Variants in KCNIP1 observed in about 807,000 individuals in gnomAD.
KCNIP1 encodes potassium voltage-gated channel interacting protein 1.
In KCNIP1, 18 loss-of-function variants were observed where a neutral mutation model predicts 33.0. That is an observed-to-expected ratio of 0.55 (90% confidence interval 0.38 to 0.81). The LOEUF (loss-of-function observed/expected upper bound fraction) is 0.81. Among genes scored for constraint, KCNIP1 ranks in the 30% least tolerant of loss-of-function variants. KCNIP1 has a pLI of 0.00. For synonymous variants in KCNIP1, 93 were observed against 98.3 expected, an observed-to-expected ratio of 0.95 and a Z score of 0.32; for missense variants, 238 against 271.6, an observed-to-expected ratio of 0.88 and a Z score of 0.87.
intron 1 of KCNIP1, among the ~76,000 whole-genome samples, chr5:170,597,807 AT>A (rs1561708698): frequency 1.5e-4 from 1 of 6,506 alleles, no homozygotes; most frequent in African/African-American, 4.3e-4. Context: ...ATATATATAT[AT>A]ATATATATAT....
chr5:170,427,972 C>G (rs1755649669), intron 1 of KCNIP1, among the ~76,000 whole-genome samples: 1 of 152,176 alleles, frequency 6.6e-6, no homozygotes, highest in Non-Finnish European at 1.5e-5. Flanking sequence ...GTTAGATGTA[C>G]AAGTGTGATT....
chr5:170,719,804 C>T (rs1359235698), intron 2 of KCNIP1, among the ~76,000 whole-genome samples: 1 of 152,150 alleles, frequency 6.6e-6, no homozygotes, highest in Non-Finnish European at 1.5e-5. Flanking sequence ...TTCTTTCCTT[C>T]GATGGCAGCA....
chr5:170,654,224 G>A (rs1299553511), intron 1 of KCNIP1, among the ~76,000 whole-genome samples: 1 of 152,146 alleles, frequency 6.6e-6, no homozygotes, highest in East Asian at 1.9e-4. Context: ...CTGCTGTGGA[G>A]GATCCATGCC....
At chr5:170,654,805 GTT>G (rs1470872558) in intron 1 of KCNIP1, among the ~76,000 whole-genome samples, 1 of 152,190 alleles carries the variant, frequency 6.6e-6, no homozygotes, top group Non-Finnish European at 1.5e-5. Context: ...ACATCATCTG[GTT>G]AATGGTGTGA....
rs1038517644 is a variant in KCNIP1 at position 170,732,654 on chromosome 5, T to G, written c.436-146T>G. On this transcript the variant is annotated intron_variant, in intron 5 of 7. Coordinates refer to ENST00000328939, the MANE Select transcript of KCNIP1 (RefSeq NM_014592.4). Reference sequence around the variant, plus strand: ...CACAATATATCCCCTTCTGCTTGCTTCTAACTCCCTATCACCTGCTAAAGA... The same window carrying G: ...CACAATATATCCCCTTCTGCTTGCTGCTAACTCCCTATCACCTGCTAAAGA... 5.3e-6 allele frequency: 3 copies of G among 565,428 alleles called. No individual in the cohort carries two copies. The African/African-American group carries it at 5.6e-5, about 11-fold the overall frequency. The allele number at this position is 565,428 out of a possible 1,614,324, so 35.0% of individuals were successfully genotyped here.
chr5:170,502,131 A>G (rs1757425519), upstream of KCNIP1, among the ~76,000 whole-genome samples: 1 of 152,292 alleles, frequency 6.6e-6, no homozygotes, highest in Middle Eastern at 3.4e-3. Context: ...TTCTAACACA[A>G]GGTAAGCCTC....
chr5:170,554,130 C>G (rs1333906112), intron 1 of KCNIP1, among the ~76,000 whole-genome samples: 1 of 148,510 alleles, frequency 6.7e-6, no homozygotes, highest in African/African-American at 2.5e-5. Flanking sequence ...AGATGCCATG[C>G]AAAGTTTTTT....
chr5:170,588,748 G>C (rs1394334951), intron 1 of KCNIP1, among the ~76,000 whole-genome samples: 1 of 152,150 alleles, frequency 6.6e-6, no homozygotes, highest in African/African-American at 2.4e-5. Context: ...ATTCGGTCTG[G>C]CTGTCAATGA....
At chr5:170,403,928 T>C (rs1332622661) in intron 1 of KCNIP1, among the ~76,000 whole-genome samples, 1 of 152,150 alleles carries the variant, frequency 6.6e-6, no homozygotes, top group African/African-American at 2.4e-5. Context: ...GAGCTGCATA[T>C]TGTAGTAGAA....
chr5:170,593,745 G>A (rs1252613601), intron 1 of KCNIP1, among the ~76,000 whole-genome samples: 2 of 152,182 alleles, frequency 1.3e-5, no homozygotes, highest in African/African-American at 4.8e-5. Flanking sequence ...CCTCATCCCT[G>A]TGTTCTCAGT....
chr5:170,731,656 T>A (rs1273458952), intron 5 of KCNIP1, among the ~76,000 whole-genome samples: 1 of 145,444 alleles, frequency 6.9e-6, no homozygotes, highest in Admixed American at 7.0e-5. Flanking sequence ...ATTGTGCCAC[T>A]GCACTCCAGC....
intron 1 of KCNIP1, among the ~76,000 whole-genome samples, chr5:170,496,259 C>T (rs189012521): frequency 6.6e-6 from 1 of 152,338 alleles, no homozygotes; most frequent in African/African-American, 2.4e-5. Flanking sequence ...TTGTCCCTCC[C>T]ATGTGCATCC....
chr5:170,548,131 A>G (rs1292211640), intron 1 of KCNIP1, among the ~76,000 whole-genome samples: 3 of 152,166 alleles, frequency 2.0e-5, no homozygotes, highest in African/African-American at 7.2e-5. Flanking sequence ...TTTTGAACTA[A>G]TGTATTTTTC....
At chr5:170,435,934 T>C (rs1451471935) in intron 1 of KCNIP1, among the ~76,000 whole-genome samples, 1 of 152,150 alleles carries the variant, frequency 6.6e-6, no homozygotes, top group African/African-American at 2.4e-5. Context: ...AGCCAGGGCC[T>C]GCAAATTGCT....
intron 1 of KCNIP1, among the ~76,000 whole-genome samples, chr5:170,425,042 C>T (rs115500822): frequency 0.022 from 3,404 of 152,306 alleles, 106 homozygotes; most frequent in Admixed American, 0.083. Flanking sequence ...AAGTCACTTC[C>T]TCAGAAAGGC....
intron 1 of KCNIP1, among the ~76,000 whole-genome samples, chr5:170,695,102 C>T (rs899774241): frequency 6.6e-6 from 1 of 152,214 alleles, no homozygotes; most frequent in South Asian, 2.1e-4. Context: ...CCACCATCCA[C>T]CCAATTGCTA....
At chr5:170,412,632 G>A (rs1755225086) in intron 1 of KCNIP1, among the ~76,000 whole-genome samples, 3 of 152,196 alleles carry the variant, frequency 2.0e-5, no homozygotes, top group Admixed American at 2.0e-4. Flanking sequence ...GCCTCCTGGA[G>A]GTCCTTGCAG....
intron 1 of KCNIP1, among the ~76,000 whole-genome samples, chr5:170,379,143 G>C (rs1461372375): frequency 6.6e-6 from 1 of 152,176 alleles, no homozygotes; most frequent in African/African-American, 2.4e-5. Flanking sequence ...TGGAGAGCAC[G>C]CTCTCATTTG....
intron 1 of KCNIP1, among the ~76,000 whole-genome samples, chr5:170,626,456 G>C (rs938137567): frequency 6.6e-6 from 1 of 152,198 alleles, no homozygotes. Flanking sequence ...AGGTGTCACT[G>C]CTCCAGCCAG....
Sources: allele counts gnomAD v4.1 joint callset (sites outside exome capture counted in the v4.1 genomes callset), GRCh38; gene constraint gnomAD v4.1.1; transcripts MANE v1.5; gene names NCBI Gene and HGNC (gene_info 2026-07-23, HGNC 2026-07-21).